TENM4: variants seen among roughly 807,000 people sequenced by gnomAD.
The protein encoded by TENM4 is teneurin transmembrane protein 4.
In TENM4, 82 loss-of-function variants were observed where a neutral mutation model predicts 243.3. The ratio of observed to expected loss-of-function variants is 0.34; its 90% CI spans 0.28 to 0.40. TENM4 has a LOEUF of 0.40. Ranked by LOEUF, TENM4 falls within the 10% of genes least tolerant of loss-of-function variation. The pLI is 1.00. For synonymous variants in TENM4, 1,412 were observed against 1,456.3 expected (o/e 0.97, Z 0.69); for missense variants, 3,138 against 3,673.3 (o/e 0.85, Z 3.77).
chr11:78,896,402 T>G (rs540715286), intron 7 of TENM4, among the ~76,000 whole-genome samples: 9 of 152,134 alleles, frequency 5.9e-5, no homozygotes, highest in Non-Finnish European at 1.2e-4. Flanking sequence ...CAAGCCACGG[T>G]CATCCTTCTA....
At chr11:78,814,017 C>T (rs1857554110) in intron 13 of TENM4, among the ~76,000 whole-genome samples, 1 of 152,126 alleles carries the variant, frequency 6.6e-6, no homozygotes. Flanking sequence ...TCCACCTGCC[C>T]CAGCAACAGA....
chr11:78,735,874 C>CTTCCTTTCCCCCTTTCTCCCT (rs1855777953), intron 20 of TENM4, among the ~76,000 whole-genome samples: 2 of 128,926 alleles, frequency 1.6e-5, no homozygotes, highest in South Asian at 2.9e-4. Flanking sequence ...CCTTTCTTTT[C>CTTCCTTTCCCCCTTTCTCCCT]TTCCTTTCCC....
chr11:79,218,361 A>G (rs1335077621), intron 2 of TENM4, among the ~76,000 whole-genome samples: 1 of 151,918 alleles, frequency 6.6e-6, no homozygotes, highest in African/African-American at 2.4e-5. Flanking sequence ...CAAATGCCAA[A>G]TGTCTGGTGG....
intron 4 of TENM4, among the ~76,000 whole-genome samples, chr11:79,147,365 G>A (rs1042951918): frequency 6.6e-6 from 1 of 152,074 alleles, no homozygotes; most frequent in African/African-American, 2.4e-5. Flanking sequence ...TATGGCATCA[G>A]TGAGAGATTG....
chr11:79,175,307 A>C (rs1014279323), intron 3 of TENM4, among the ~76,000 whole-genome samples: 13 of 152,246 alleles, frequency 8.5e-5, no homozygotes, highest in African/African-American at 2.9e-4. Flanking sequence ...TAGTAAAAAC[A>C]TTTAATGACT....
intron 1 of TENM4, among the ~76,000 whole-genome samples, chr11:79,357,924 T>A (rs887076925): frequency 2.0e-5 from 3 of 152,126 alleles, no homozygotes; most frequent in Non-Finnish European, 4.4e-5. Context: ...TCCTGGAACA[T>A]CAAAACAGCT....
intron 6 of TENM4, among the ~76,000 whole-genome samples, chr11:78,991,269 C>G (rs1858037360): frequency 6.7e-6 from 1 of 150,316 alleles, no homozygotes; most frequent in African/African-American, 2.5e-5. Context: ...ATGTCTCTAT[C>G]TAGTCCCTTA....
intron 2 of TENM4, among the ~76,000 whole-genome samples, chr11:79,262,824 C>G (rs540275386): frequency 8.1e-4 from 124 of 152,214 alleles, no homozygotes; most frequent in Non-Finnish European, 1.4e-3. Context: ...AGGATAATGA[C>G]AATTACATGG....
chr11:78,933,707 G>A (rs1419879481), intron 6 of TENM4, among the ~76,000 whole-genome samples: 1 of 152,186 alleles, frequency 6.6e-6, no homozygotes, highest in African/African-American at 2.4e-5. Context: ...TAGTTGCACT[G>A]GAAGGCAGCC....
chr11:79,025,968 GA>G (rs1262164897), intron 6 of TENM4, among the ~76,000 whole-genome samples: 2 of 151,982 alleles, frequency 1.3e-5, no homozygotes, highest in African/African-American at 4.8e-5. Context: ...CTTCCCTGAG[GA>G]AAAAAATACA....
intron 9 of TENM4, among the ~76,000 whole-genome samples, chr11:78,879,792 G>T: frequency 6.6e-6 from 1 of 151,972 alleles, no homozygotes; most frequent in Non-Finnish European, 1.5e-5. Context: ...GATGTGAGGA[G>T]CGCCTCTGCC....
At position 78,786,925 on chromosome 11, in the gene TENM4, C is replaced by T. The variant is rs1856947812; in HGVS notation, c.2338G>A (p.Gly780Ser). ...CRDGKCECSPGWNGEHCTIAH... is the reference protein window; with the variant it reads ...CRDGKCECSPSWNGEHCTIAH... ...ATGGTGCAGTGTTCGCCATTCCAGC[C>T]AGGGCTGCACTCGCACTTGCCGTCG... Residue 780 changes from glycine (G) to serine (S), a missense_variant, in exon 16 of 34, where the codon GGC becomes AGC. This residue lies in a region of TENM4 where 2,467 missense variants were observed against 3,059.1 expected (regional missense o/e 0.81). Coordinates refer to ENST00000278550, the MANE Select transcript of TENM4 (RefSeq NM_001098816.3). 1.2e-6 allele frequency: 2 copies of T among 1,609,232 alleles called. No homozygotes were observed. The highest frequency in any genetic ancestry group is 1.1e-5 in the South Asian group (1 of 89,678).
chr11:79,103,826 G>T (rs758115109), intron 4 of TENM4, among the ~76,000 whole-genome samples: 1 of 152,156 alleles, frequency 6.6e-6, no homozygotes, highest in African/African-American at 2.4e-5. Flanking sequence ...CTCCCCACTC[G>T]CTGTCTTAGG....
intron 6 of TENM4, among the ~76,000 whole-genome samples, chr11:79,046,221 C>T (rs543293769): frequency 2.0e-5 from 3 of 152,306 alleles, no homozygotes; most frequent in South Asian, 4.1e-4. Context: ...TGCTGTGAGC[C>T]AGGGAGATGG....
chr11:79,021,513 G>C (rs1381107925), intron 6 of TENM4: 1 of 152,200 alleles, frequency 6.6e-6, no homozygotes, highest in Non-Finnish European at 1.5e-5. Flanking sequence ...GGGGGAGCTG[G>C]GGTATTTATA....
At chr11:79,278,631 T>C (rs1192845067) in intron 2 of TENM4, among the ~76,000 whole-genome samples, 3 of 152,218 alleles carry the variant, frequency 2.0e-5, no homozygotes, top group Non-Finnish European at 2.9e-5. Flanking sequence ...TTGTATTTTA[T>C]TGACGTTAAA....
intron 12 of TENM4, among the ~76,000 whole-genome samples, chr11:78,836,459 A>G (rs999753875): frequency 6.6e-6 from 1 of 152,192 alleles, no homozygotes; most frequent in Non-Finnish European, 1.5e-5. Context: ...TTACCATCCT[A>G]TTCAGTAGGT....
chr11:79,321,947 A>G (rs1288866501), intron 1 of TENM4, among the ~76,000 whole-genome samples: 1 of 152,166 alleles, frequency 6.6e-6, no homozygotes, highest in Non-Finnish European at 1.5e-5. Context: ...ATGAGGATGT[A>G]CCATGTCTGG....
chr11:78,811,756 T>C (rs1857506313), intron 14 of TENM4, among the ~76,000 whole-genome samples: 1 of 152,228 alleles, frequency 6.6e-6, no homozygotes, highest in Admixed American at 6.5e-5. Flanking sequence ...CTCTGCTGTC[T>C]ACTAGCCATG....
Sources: allele counts gnomAD v4.1 joint callset (sites outside exome capture counted in the v4.1 genomes callset), GRCh38; gene constraint gnomAD v4.1.1; regional missense constraint gnomAD v4.1.1; transcripts MANE v1.5; gene names NCBI Gene and HGNC (gene_info 2026-07-23, HGNC 2026-07-21).